The following TANGO6 variants were observed in gnomAD, a reference collection of about 807,000 sequenced individuals.
The protein encoded by TANGO6 is transport and golgi organization 6 homolog, also known as transport and Golgi organization protein 6 homolog.
In TANGO6, 90 loss-of-function variants were observed where a neutral mutation model predicts 114.2. The ratio of observed to expected loss-of-function variants is 0.79; its 90% CI spans 0.66 to 0.94. The LOEUF (loss-of-function observed/expected upper bound fraction) is 0.94. Among genes scored for constraint, TANGO6 ranks in the 40% least tolerant of loss-of-function variants. The probability of loss-of-function intolerance (pLI) is 0.00; values close to 1 mark genes in which losing one functional copy is unlikely to be tolerated. For missense variants in TANGO6, 1,274 were observed against 1,315.3 expected (o/e 0.97, Z 0.49); for synonymous variants, 477 against 509.8 (o/e 0.94, Z 0.87).
intron 16 of TANGO6, among the ~76,000 whole-genome samples, chr16:69,031,445 A>C (rs1387656851): frequency 6.6e-6 from 1 of 152,018 alleles, no homozygotes; most frequent in Non-Finnish European, 1.5e-5. Context: ...TCAGACCTGT[A>C]ATCTCAACAC....
intron 15 of TANGO6, among the ~76,000 whole-genome samples, chr16:69,021,979 G>A (rs567063790): frequency 8.6e-5 from 13 of 150,618 alleles, no homozygotes; most frequent in Non-Finnish European, 1.9e-4. Flanking sequence ...TCCGCCTCCC[G>A]GGTTCAGGCC....
In TANGO6 at chr16:68,900,411, C is replaced by A. The variant is rs75483381; in HGVS notation, c.1378-23C>A. ...CTGGCCAGGCAGTCATGGGATTATT[C>A]TTCACCATTTCCTTTTTTCTAGGTG... On this transcript the variant is annotated intron_variant, in intron 7 of 17. Coordinates refer to ENST00000261778, the MANE Select transcript of TANGO6 (RefSeq NM_024562.2). 6.5e-3 allele frequency: 10,445 copies of A among 1,602,938 alleles called. 51 individuals are homozygous for A. Among genetic ancestry groups the A allele is most frequent in the Non-Finnish European group, 8.3e-3 (9,735 of 1,170,188 alleles).
chr16:69,067,530 A>AAAAAAAAAAAAAC, intron 17 of TANGO6, among the ~76,000 whole-genome samples: 1 of 148,462 alleles, frequency 6.7e-6, no homozygotes, highest in Non-Finnish European at 1.5e-5. Context: ...AAAAAAAAAA[A>AAAAAAAAAAAAAC]AAAAAAACGC....
At chr16:69,073,135 T>C (rs146858431) in intron 17 of TANGO6, among the ~76,000 whole-genome samples, 1 of 150,384 alleles carries the variant, frequency 6.6e-6, no homozygotes, top group East Asian at 2.0e-4. Context: ...TTGGAGAGAG[T>C]GTTGGGAGAT....
At position 68,871,235 on chromosome 16, in the gene TANGO6, C is replaced by T. The variant is rs181636546; in HGVS notation, c.995-3919C>T. On this transcript the variant is annotated intron_variant, in intron 4 of 17. Coordinates refer to ENST00000261778, the MANE Select transcript of TANGO6 (RefSeq NM_024562.2). ...TTAAAGATATTCTGTTGTCTTCTGG[C>T]TTGTGTCATTTCTGATGAAAAGTCT... 5.3e-3 allele frequency among the ~76,000 whole-genome samples: 808 copies of T among 152,140 alleles called. 10 individuals are homozygous for T. In the Middle Eastern group the frequency reaches 0.11, roughly 20 times the overall value.
chr16:68,899,623 A>G (rs1962757012), intron 7 of TANGO6, among the ~76,000 whole-genome samples: 1 of 151,608 alleles, frequency 6.6e-6, no homozygotes. Context: ...TTTTTGAGAC[A>G]GGGTCTTACT....
intron 16 of TANGO6, among the ~76,000 whole-genome samples, chr16:69,025,647 G>A (rs1011257096): frequency 1.3e-5 from 2 of 152,174 alleles, no homozygotes; most frequent in African/African-American, 2.4e-5. Context: ...CTTAGCTTTC[G>A]GGCTTTAAAC....
chr16:68,968,428 A>G (rs1311011090), intron 14 of TANGO6, among the ~76,000 whole-genome samples: 5 of 147,392 alleles, frequency 3.4e-5, no homozygotes, highest in African/African-American at 1.3e-4. Flanking sequence ...GCAATGGTGC[A>G]ATCTTGGCTT....
intron 3 of TANGO6, among the ~76,000 whole-genome samples, chr16:68,863,406 G>A (rs921826256): frequency 3.3e-5 from 5 of 152,010 alleles, no homozygotes; most frequent in African/African-American, 7.2e-5. Flanking sequence ...TCGTGAGTTC[G>A]AGACCAGCCT....
At chr16:68,867,483 T>C (rs1046151389) in intron 4 of TANGO6, 4 of 357,456 alleles carry the variant, frequency 1.1e-5, no homozygotes, top group Non-Finnish European at 2.0e-5. Context: ...AAATAATTTA[T>C]ACTATCTGGG....
chr16:68,917,484 G>C (rs1008924805), intron 11 of TANGO6, among the ~76,000 whole-genome samples: 1 of 152,160 alleles, frequency 6.6e-6, no homozygotes, highest in Non-Finnish European at 1.5e-5. Context: ...CTGCCAAACT[G>C]TCTGCCTAAG....
intron 14 of TANGO6, among the ~76,000 whole-genome samples, chr16:68,941,621 C>T (rs1963354340): frequency 1.3e-5 from 2 of 152,088 alleles, no homozygotes; most frequent in Non-Finnish European, 2.9e-5. Context: ...TGGTGCATTC[C>T]TGTAGTCCCA....
intron 14 of TANGO6, among the ~76,000 whole-genome samples, chr16:68,967,305 T>G (rs541030335): frequency 1.4e-3 from 212 of 152,312 alleles, no homozygotes; most frequent in Admixed American, 3.3e-3. Context: ...CCTAGATCCC[T>G]TGCATGTGCA....
chr16:69,011,658 A>G (rs1441231765), intron 15 of TANGO6, among the ~76,000 whole-genome samples: 1 of 152,034 alleles, frequency 6.6e-6, no homozygotes, highest in Non-Finnish European at 1.5e-5. Context: ...AGCTTTCGCC[A>G]TATTGCCCAA....
At chr16:68,912,635 G>A (rs147207377) in intron 11 of TANGO6, among the ~76,000 whole-genome samples, 100 of 151,740 alleles carry the variant, frequency 6.6e-4, no homozygotes, top group African/African-American at 2.3e-3. Context: ...GCAAAACTCC[G>A]TCTCAAAAAA....
intron 16 of TANGO6, among the ~76,000 whole-genome samples, chr16:69,039,407 A>G (rs1435871554): frequency 1.3e-5 from 2 of 151,884 alleles, no homozygotes; most frequent in African/African-American, 2.4e-5. Flanking sequence ...AGGCCAAGGC[A>G]GGAGGATTGC....
chr16:68,863,116 GCTGTCTT>G (rs1210760656), intron 3 of TANGO6, 55 bp downstream of exon 3: 2 of 1,110,034 alleles, frequency 1.8e-6, no homozygotes, highest in East Asian at 5.3e-5. Flanking sequence ...TGTGTGGTTT[GCTGTCTT>G]CTTCTGGAAA....
intron 14 of TANGO6, among the ~76,000 whole-genome samples, chr16:68,962,625 G>A (rs1052112463): frequency 6.6e-6 from 1 of 152,122 alleles, no homozygotes; most frequent in Non-Finnish European, 1.5e-5. Context: ...GCCAGGCATG[G>A]TAGTGCATGC....
chr16:68,872,828 C>T (rs1596998604), intron 4 of TANGO6, among the ~76,000 whole-genome samples: 1 of 151,814 alleles, frequency 6.6e-6, no homozygotes, highest in South Asian at 2.1e-4. Context: ...TCCCGAGTAG[C>T]TGGGACTACA....
Sources: gnomAD v4.1 joint callset for allele counts (sites outside exome capture counted in the v4.1 genomes callset) on GRCh38, gnomAD v4.1.1 for gene constraint, MANE v1.5 for transcripts, NCBI Gene and HGNC (gene_info 2026-07-23, HGNC 2026-07-21) for gene names.